Variants in CLSTN1 observed in about 807,000 individuals in gnomAD.
The protein encoded by CLSTN1 is calsyntenin-1.
A neutral mutation model predicts 108.3 loss-of-function variants in CLSTN1; 28 were observed. The observed-to-expected ratio is 0.26, with a 90% CI of 0.19 to 0.35. The LOEUF is 0.35. Among genes scored for constraint, CLSTN1 ranks in the 10% least tolerant of loss-of-function variants. The pLI, the probability that CLSTN1 is intolerant of heterozygous loss-of-function variation, is 1.00. For synonymous variants in CLSTN1, 524 were observed against 534.9 expected (o/e 0.98, Z 0.28); for missense variants, 1,157 against 1,302.6 (o/e 0.89, Z 1.72).
At chr1:9,801,558 C>T (rs1052961511) in intron 1 of CLSTN1, among the ~76,000 whole-genome samples, 3 of 152,050 alleles carry the variant, frequency 2.0e-5, no homozygotes, top group Non-Finnish European at 4.4e-5. Flanking sequence ...CATTATTGTT[C>T]GTTTGTTTTT....
chr1:9,780,887 G>A (rs761330994), intron 1 of CLSTN1: 11 of 313,062 alleles, frequency 3.5e-5, no homozygotes, highest in Non-Finnish European at 5.8e-5. Flanking sequence ...AATGCGGTGC[G>A]GGAGACCATG....
chr1:9,736,625 T>C (rs891075607), intron 11 of CLSTN1, among the ~76,000 whole-genome samples: 3 of 152,100 alleles, frequency 2.0e-5, no homozygotes, highest in African/African-American at 4.8e-5. Context: ...ACCCAGAAAA[T>C]GGCCCTTGAC....
At chr1:9,733,592 G>A (rs1255372989) in intron 15 of CLSTN1, 46 bp from the exon 16 acceptor site, 1 of 1,609,118 alleles carries the variant, frequency 6.2e-7, no homozygotes, top group Admixed American at 1.7e-5. Flanking sequence ...CTTAGGGCAG[G>A]AGCATGGGCA....
Position 9,788,885 on chromosome 1 carries a change from A to C in CLSTN1, c.92-15491T>G, listed in dbSNP as rs893148526. ...TCCGTCTCAAAAAAAAAAAAAAAAA[A>C]AAACAAAAGGAATTTGACTATTCTA... On this transcript the variant is annotated intron_variant, in intron 1 of 18. Coordinates refer to ENST00000377298, the MANE Select transcript of CLSTN1 (RefSeq NM_001009566.3). Among the ~76,000 whole-genome samples the C allele has an allele frequency of 1.3e-5, 2 of 151,246 alleles. 1 individual carries two copies. The highest frequency in any genetic ancestry group is 1.3e-4 in the Admixed American group (2 of 14,888).
chr1:9,784,304 C>A (rs577686032), intron 1 of CLSTN1, among the ~76,000 whole-genome samples: 1 of 151,596 alleles, frequency 6.6e-6, no homozygotes, highest in South Asian at 2.1e-4. Flanking sequence ...GATTGTGTCA[C>A]TTGCACTCCG....
intron 1 of CLSTN1, among the ~76,000 whole-genome samples, chr1:9,822,301 A>C (rs1305411275): frequency 6.6e-6 from 1 of 152,248 alleles, no homozygotes. Context: ...TGACAGAGTC[A>C]ACAGAATGTT....
chr1:9,755,209 T>C lies in CLSTN1; in HGVS notation c.345A>G (p.Lys115=). ...AGTCTTTCTGCAGCTCACAGTCCAG[T>C]TTCTCTTTGGAGCGAATGACTCCCT... is the stretch of plus-strand genomic sequence containing the variant. ...TGEGVIRSKE[K]LDCELQKDYS... The change falls in exon 4 of 19, where the codon AAA becomes AAG. Residue 115 remains lysine, a synonymous_variant. Coordinates refer to ENST00000377298, the MANE Select transcript of CLSTN1 (RefSeq NM_001009566.3). 3 of 1,614,160 alleles carry C rather than the reference T, an allele frequency of 1.9e-6. No individual in the cohort carries two copies. The African/African-American group carries it at 4.0e-5, about 22-fold the overall frequency.
Position 9,730,559 on chromosome 1 carries a change from G to T in CLSTN1, c.2895C>A (p.Asn965Lys). The T allele has an allele frequency of 6.2e-7, 1 of 1,608,388 alleles. No homozygotes were observed. The highest frequency in any genetic ancestry group is 2.2e-5 in the East Asian group (1 of 44,872). ...ACTCCAGCTGCTGCTGCCGGGTTGC[G>T]TTCTGGGGGTCGCCCTGCTCCCCCT... ...EEEGEQGDPQ[N>K]ATRQQQLEWD... Residue 965 changes from asparagine to lysine, a missense_variant, in exon 19 of 19, where the codon AAC (asparagine) becomes AAA (lysine). By Grantham distance (94) the Asn-to-Lys change is moderately conservative. Transcript: ENST00000377298. This position sits in a 1 kb window ranked among gnomAD's most constrained non-coding sequence, Gnocchi z 5.6.
intron 3 of CLSTN1, 68 bp downstream of exon 3, chr1:9,756,413 T>C: frequency 7.5e-7 from 1 of 1,325,858 alleles, no homozygotes; most frequent in African/African-American, 1.5e-5. Context: ...TAAGGGCTGA[T>C]TCCCAATTTT....
chr1:9,766,211 A>C (rs1570467733), intron 2 of CLSTN1, among the ~76,000 whole-genome samples: 1 of 152,152 alleles, frequency 6.6e-6, no homozygotes, highest in African/African-American at 2.4e-5. Context: ...GATTGCTAGA[A>C]CACCACCACC....
At chr1:9,790,697 G>A (rs1050051895) in intron 1 of CLSTN1, among the ~76,000 whole-genome samples, 10 of 151,346 alleles carry the variant, frequency 6.6e-5, no homozygotes, top group Admixed American at 4.7e-4. Context: ...CAGGTCAGGC[G>A]CCGTGGACTC....
rs138355585 is a variant in CLSTN1 at position 9,814,812 on chromosome 1, T to C, written c.91+8831A>G. Among the ~76,000 whole-genome samples, 536 of 151,644 alleles carry C rather than the reference T, an allele frequency of 3.5e-3. 5 individuals carry two copies. The highest frequency in any genetic ancestry group is 0.012 in the African/African-American group (515 of 41,282). On this transcript the variant is annotated intron_variant, in intron 1 of 18. Transcript: ENST00000377298. ...TACTCAGGAGGCTGAGGTGGAAGGA[T>C]AGTTTAAGCCAAGGGAGGTTGAGGC... is the stretch of plus-strand genomic sequence containing the variant.
At position 9,751,625 on chromosome 1, in the gene CLSTN1, TC is replaced by T; in HGVS notation, c.496del (p.Glu166ArgfsTer18). The T allele has an allele frequency of 1.9e-6, 3 of 1,614,146 alleles. No individual in the cohort carries two copies. Among genetic ancestry groups the T allele is most frequent in the Non-Finnish European group, 2.5e-6 (3 of 1,180,002 alleles). On this transcript the variant is annotated frameshift_variant, in exon 5 of 19. Transcript: ENST00000377298. LOFTEE classifies it high-confidence loss of function. The stretch of plus-strand genomic sequence containing the variant: ...GATGACCGTGGCTTTGTAGGACTTC[TC>T]CTTGAACACGGGCGCGTACTCATTC... ...DVNEYAPVFKEKSYKATVIEG... is the reference protein window; with the variant it reads ...DVNEYAPVFKXKSYKATVIEG...
At chr1:9,778,381 C>A (rs925627238) in intron 1 of CLSTN1, among the ~76,000 whole-genome samples, 2 of 152,084 alleles carry the variant, frequency 1.3e-5, no homozygotes, top group Non-Finnish European at 2.9e-5. Flanking sequence ...ACCTCAAATG[C>A]GCAAATCAGA....
intron 1 of CLSTN1, among the ~76,000 whole-genome samples, chr1:9,784,906 T>A (rs553864833): frequency 6.6e-6 from 1 of 152,170 alleles, no homozygotes; most frequent in Admixed American, 6.6e-5. Context: ...AAAAAAGCAT[T>A]TGGAACAGGT....
intron 1 of CLSTN1, among the ~76,000 whole-genome samples, chr1:9,808,885 C>T (rs193033561): frequency 8.8e-4 from 133 of 151,854 alleles, no homozygotes; most frequent in African/African-American, 3.0e-3. Flanking sequence ...TAGCCTGAGC[C>T]AAGGCTGCTG....
intron 1 of CLSTN1, among the ~76,000 whole-genome samples, chr1:9,777,217 CAAAAAAAAA>C (rs1183664020): frequency 3.9e-5 from 2 of 51,170 alleles, no homozygotes; most frequent in Non-Finnish European, 7.6e-5. Context: ...GAGACTGTCT[CAAAAAAAAA>C]AAAAAAAAAA....
intron 1 of CLSTN1, among the ~76,000 whole-genome samples, chr1:9,784,461 T>C (rs1422301852): frequency 2.6e-5 from 4 of 152,074 alleles, no homozygotes; most frequent in Non-Finnish European, 5.9e-5. Context: ...TGAGCCAAGA[T>C]CTCACCACTG....
Position 9,729,833 on chromosome 1 carries a change from T to C in CLSTN1, c.*675A>G, listed in dbSNP as rs7526958. The C allele has an allele frequency of 0.22, 33,096 of 153,280 alleles. 7,215 individuals carry two copies. Among genetic ancestry groups the C allele is most frequent in the African/African-American group, 0.55 (22,940 of 41,452 alleles). 9.5% of individuals were successfully genotyped at this position (153,280 alleles called of 1,614,324 possible). A position where few individuals can be genotyped will look rare whatever the true frequency, so the allele number is the denominator to read the frequency against. ...GCCTGTGGCCCCCGACTCCCAGCCA[T>C]ACTCAGACCTGAGCAGGGGCTGGGG... On this transcript the variant is annotated 3_prime_UTR_variant, in exon 19 of 19. Transcript: ENST00000377298.
Sources: gnomAD v4.1 joint callset for allele counts (sites outside exome capture counted in the v4.1 genomes callset) on GRCh38, gnomAD v4.1.1 for gene constraint, Gnocchi (gnomAD v3.1) non-coding constraint, MANE v1.5 for transcripts, NCBI Gene and HGNC (gene_info 2026-07-23, HGNC 2026-07-21) for gene names.